The following LHFPL3 variants were observed in gnomAD, a reference collection of about 807,000 sequenced individuals.
LHFPL3 encodes the protein LHFPL tetraspan subfamily member 3.
A neutral mutation model predicts 19.3 loss-of-function variants in LHFPL3; 5 were observed. The ratio of observed to expected loss-of-function variants is 0.26; its 90% CI spans 0.14 to 0.54. The LOEUF (loss-of-function observed/expected upper bound fraction) is 0.54. Ranked by LOEUF, LHFPL3 falls within the 20% of genes least tolerant of loss-of-function variation. The pLI is 0.94. For missense variants in LHFPL3, 249 were observed against 307.4 expected, an observed-to-expected ratio of 0.81 and a Z score of 1.42; for synonymous variants, 133 against 126.2, an observed-to-expected ratio of 1.05 and a Z score of -0.36.
At chr7:104,824,283 TATATA>T (rs200885910) in intron 2 of LHFPL3, among the ~76,000 whole-genome samples, 4,067 of 25,072 alleles carry the variant, frequency 0.16, 656 homozygotes, top group East Asian at 0.49. Context: ...ATATACAATA[TATATA>T]ATATATTATA....
At chr7:104,537,795 T>TGTG (rs1794416763) in intron 1 of LHFPL3, among the ~76,000 whole-genome samples, 2 of 152,210 alleles carry the variant, frequency 1.3e-5, no homozygotes, top group Non-Finnish European at 2.9e-5. Context: ...CTCTTTCTGT[T>TGTG]GTGGTCTCTA....
chr7:104,710,347 C>A (rs1433186744), intron 1 of LHFPL3, among the ~76,000 whole-genome samples: 1 of 152,132 alleles, frequency 6.6e-6, no homozygotes, highest in Non-Finnish European at 1.5e-5. Context: ...TTTTTTCTGA[C>A]CTGCTTTGAC....
chr7:104,440,197 G>A (rs180854336), intron 1 of LHFPL3, among the ~76,000 whole-genome samples: 170 of 150,328 alleles, frequency 1.1e-3, no homozygotes, highest in African/African-American at 3.9e-3. Flanking sequence ...AAAATACAAA[G>A]CCATACACAT....
At chr7:104,578,236 A>G (rs10231197) in intron 1 of LHFPL3, among the ~76,000 whole-genome samples, 7,526 of 152,302 alleles carry the variant, frequency 0.049, 597 homozygotes, top group African/African-American at 0.17. Flanking sequence ...GGTTTTCTCC[A>G]GGTGTGGGTA....
chr7:104,395,622 C>T (rs567168115), intron 1 of LHFPL3, among the ~76,000 whole-genome samples: 9 of 152,070 alleles, frequency 5.9e-5, no homozygotes, highest in Non-Finnish European at 1.2e-4. Context: ...AGTAATTGTG[C>T]GACAGGTGGA....
intron 1 of LHFPL3, among the ~76,000 whole-genome samples, chr7:104,400,214 C>T (rs1417124404): frequency 2.1e-5 from 3 of 142,090 alleles, no homozygotes; most frequent in African/African-American, 7.6e-5. Flanking sequence ...TGAGCATTCA[C>T]TCAGGGTTGA....
chr7:104,337,751 C>A, intron 1 of LHFPL3, among the ~76,000 whole-genome samples: 1 of 152,136 alleles, frequency 6.6e-6, no homozygotes, highest in East Asian at 1.9e-4. Context: ...ATTTTAAGAA[C>A]CTGTATAATT....
chr7:104,669,551 A>G lies in LHFPL3; in HGVS notation c.446-67124A>G, dbSNP rs1792430356. 22 of 1,611,596 alleles carry G rather than the reference A, an allele frequency of 1.4e-5. 1 individual carries two copies. The South Asian group carries it at 2.4e-4, about 18-fold the overall frequency. The stretch of plus-strand genomic sequence containing the variant: ...CTCTCTGTTGATGGTGAAGATGAAA[A>G]TGAGGGAGAAGATTATGCCAAATAG... On this transcript the variant is annotated intron_variant, in intron 1 of 2. Coordinates refer to ENST00000424859, the MANE Select transcript of LHFPL3 (RefSeq NM_199000.3).
At chr7:104,332,223 CTTTTTTTTTTTTTT>C (rs1183733733) in intron 1 of LHFPL3, among the ~76,000 whole-genome samples, 1 of 63,934 alleles carries the variant, frequency 1.6e-5, no homozygotes, top group Non-Finnish European at 2.6e-5. Flanking sequence ...TATTTCTTTT[CTTTTTTTTTTTTTT>C]TTTTTTTTTT....
intron 2 of LHFPL3, among the ~76,000 whole-genome samples, chr7:104,820,686 ACT>A (rs1790658546): frequency 6.6e-6 from 1 of 151,818 alleles, no homozygotes; most frequent in Non-Finnish European, 1.5e-5. Context: ...AGCTCCCCTC[ACT>A]CTCAGTCTGA....
At chr7:104,778,612 A>T (rs759777483) in intron 2 of LHFPL3, among the ~76,000 whole-genome samples, 7 of 151,810 alleles carry the variant, frequency 4.6e-5, no homozygotes, top group Non-Finnish European at 8.8e-5. Flanking sequence ...CCCAAACACA[A>T]CTCCTCCTAC....
chr7:104,797,081 T>G (rs1352757647), intron 2 of LHFPL3: 1 of 152,402 alleles, frequency 6.6e-6, no homozygotes, highest in Non-Finnish European at 1.5e-5. Flanking sequence ...TTGGCTTAAG[T>G]GCATCAAAGT....
chr7:104,857,386 T>C (rs1791528953), intron 2 of LHFPL3, among the ~76,000 whole-genome samples: 1 of 152,244 alleles, frequency 6.6e-6, no homozygotes, highest in South Asian at 2.1e-4. Flanking sequence ...TATATTATTT[T>C]ACTCATTCTA....
intron 1 of LHFPL3, among the ~76,000 whole-genome samples, chr7:104,433,396 C>T (rs1038747608): frequency 2.0e-5 from 3 of 152,190 alleles, no homozygotes; most frequent in Non-Finnish European, 4.4e-5. Context: ...CTGGAGTCCA[C>T]TTTGAGAATT....
chr7:104,714,959 A>T lies in LHFPL3; in HGVS notation c.446-21716A>T, dbSNP rs535237747. On this transcript the variant is annotated intron_variant, in intron 1 of 2. Coordinates refer to ENST00000424859, the MANE Select transcript of LHFPL3 (RefSeq NM_199000.3). Reference sequence around the variant, plus strand: ...TATACATATCTATATTTATAGGTACATACTTATATACCTGTGTATATACAC... The same window carrying T: ...TATACATATCTATATTTATAGGTACTTACTTATATACCTGTGTATATACAC... Among the ~76,000 whole-genome samples the T allele has an allele frequency of 9.1e-4, 138 of 152,284 alleles. 1 individual carries two copies. Among genetic ancestry groups the T allele is most frequent in the African/African-American group, 3.1e-3 (129 of 41,564 alleles).
At chr7:104,502,192 G>C (rs932328177) in intron 1 of LHFPL3, among the ~76,000 whole-genome samples, 3 of 152,128 alleles carry the variant, frequency 2.0e-5, no homozygotes, top group African/African-American at 7.2e-5. Context: ...TCTCCTAACT[G>C]TATAGCACAT....
At chr7:104,515,621 G>T (rs1362042995) in intron 1 of LHFPL3, among the ~76,000 whole-genome samples, 2 of 152,124 alleles carry the variant, frequency 1.3e-5, no homozygotes, top group African/African-American at 4.8e-5. Context: ...AGAATGACTG[G>T]AATTAAAAAG....
At chr7:104,678,472 C>A (rs963233223) in intron 1 of LHFPL3, among the ~76,000 whole-genome samples, 4 of 152,184 alleles carry the variant, frequency 2.6e-5, no homozygotes, top group Admixed American at 1.3e-4. Flanking sequence ...TTTTCTGGTA[C>A]CTCGTTTTGT....
chr7:104,517,129 G>A (rs41060), intron 1 of LHFPL3, among the ~76,000 whole-genome samples: 88,066 of 151,760 alleles, frequency 0.58, 26,099 homozygotes, highest in African/African-American at 0.69. Context: ...ACAACCCACA[G>A]TGGGGCCTAT....
Sources: gnomAD v4.1 joint callset for allele counts (sites outside exome capture counted in the v4.1 genomes callset) on GRCh38, gnomAD v4.1.1 for gene constraint, MANE v1.5 for transcripts, NCBI Gene and HGNC (gene_info 2026-07-23, HGNC 2026-07-21) for gene names.